Variants in SCML4 observed in about 807,000 individuals in gnomAD.
SCML4 encodes sex comb on midleg-like protein 4.
SCML4 carries 34 observed loss-of-function variants against 41.1 expected under a neutral mutation model. The ratio of observed to expected loss-of-function variants is 0.83; its 90% confidence interval spans 0.63 to 1.10. SCML4 has a LOEUF of 1.10. SCML4 is among the 50% of genes least tolerant of loss of function. The pLI is 0.00. For synonymous variants in SCML4, 214 were observed against 220.9 expected (o/e 0.97, Z 0.28); for missense variants, 522 against 534.1 (o/e 0.98, Z 0.22).
intron 1 of SCML4, among the ~76,000 whole-genome samples, chr6:107,789,523 C>T (rs960741071): frequency 6.6e-6 from 1 of 152,218 alleles, no homozygotes; most frequent in Non-Finnish European, 1.5e-5. Flanking sequence ...GCTTCTCCAT[C>T]GCAGTCTCCC....
chr6:107,734,427 G>A (rs1458134417), intron 5 of SCML4, among the ~76,000 whole-genome samples: 1 of 152,160 alleles, frequency 6.6e-6, no homozygotes, highest in East Asian at 1.9e-4. Context: ...TCATTCATTG[G>A]TTAATAGTTA....
upstream of SCML4, among the ~76,000 whole-genome samples, chr6:107,825,866 G>C (rs536758099): frequency 1.3e-5 from 2 of 150,522 alleles, no homozygotes; most frequent in Non-Finnish European, 2.9e-5. Flanking sequence ...GAACCCGGGA[G>C]GCGGAGCTCA....
intron 1 of SCML4, among the ~76,000 whole-genome samples, chr6:107,801,850 C>T (rs560245973): frequency 2.6e-5 from 4 of 152,138 alleles, no homozygotes; most frequent in East Asian, 3.9e-4. Context: ...CCACAACCTC[C>T]GCCTCCCAGG....
chr6:107,765,202 A>G (rs1779934849), intron 2 of SCML4, among the ~76,000 whole-genome samples: 1 of 152,180 alleles, frequency 6.6e-6, no homozygotes, highest in Non-Finnish European at 1.5e-5. Context: ...TGTCTTACAG[A>G]AACTGGTGAG....
intron 2 of SCML4, among the ~76,000 whole-genome samples, chr6:107,751,582 CT>C (rs1319520599): frequency 2.0e-5 from 2 of 101,286 alleles, no homozygotes; most frequent in Non-Finnish European, 4.0e-5. Flanking sequence ...ATCTTTCTTT[CT>C]TTCTTTCTTT....
At chr6:107,814,681 T>C (rs1784437014) in intron 1 of SCML4, among the ~76,000 whole-genome samples, 3 of 152,156 alleles carry the variant, frequency 2.0e-5, no homozygotes, top group South Asian at 4.1e-4. Flanking sequence ...GCCTCCCAAG[T>C]AGCTGGGATT....
rs1554223032 is a variant in SCML4 at position 107,804,248 on chromosome 6, C to CGTATGTGT, written c.-60+19877_-60+19878insACACATAC. ...GCTAATTTACATTTTAAACATGAAACGTGTGTGTGTGTGCACAACTTGTAC... is the reference window on the plus strand; with the variant it reads ...GCTAATTTACATTTTAAACATGAAACGTATGTGTGTGTGTGTGTGTGCACAACTTGTAC... On this transcript the variant is annotated intron_variant, in intron 1 of 7. Transcript: ENST00000369020. Among the ~76,000 whole-genome samples, 3 of 150,646 alleles carry CGTATGTGT rather than the reference C, an allele frequency of 2.0e-5. No individual in the cohort carries two copies. In the East Asian group the frequency reaches 5.9e-4, roughly 30 times the overall value.
the SCML4 span, among the ~76,000 whole-genome samples, chr6:107,840,436 A>G: frequency 6.6e-6 from 1 of 152,198 alleles, no homozygotes; most frequent in Admixed American, 6.5e-5. Flanking sequence ...TCCTGAGTAG[A>G]TTGTCCTTCT....
intron 2 of SCML4, among the ~76,000 whole-genome samples, chr6:107,750,265 G>A (rs912109029): frequency 1.8e-4 from 27 of 152,156 alleles, no homozygotes; most frequent in African/African-American, 6.3e-4. Context: ...GGGTCCTGCC[G>A]GAAAAGAGAG....
chr6:107,726,851 CT>C (rs1343049555), intron 5 of SCML4, among the ~76,000 whole-genome samples: 1 of 152,172 alleles, frequency 6.6e-6, no homozygotes, highest in Admixed American at 6.5e-5. Context: ...CTGGTACTTC[CT>C]CAAATGCTTA....
At chr6:107,802,672 T>TC (rs1562273116) in intron 1 of SCML4, among the ~76,000 whole-genome samples, 12 of 4,852 alleles carry the variant, frequency 2.5e-3, no homozygotes, top group Non-Finnish European at 0.01. Context: ...TCCCTCTCCC[T>TC]CCTCTCCCTC....
chr6:107,806,885 T>G (rs981858725), intron 1 of SCML4, among the ~76,000 whole-genome samples: 1 of 152,194 alleles, frequency 6.6e-6, no homozygotes, highest in African/African-American at 2.4e-5. Context: ...TGGGCAGAGC[T>G]TCAGGCCCCA....
chr6:107,710,504 A>C (rs1774121390), intron 6 of SCML4, among the ~76,000 whole-genome samples: 2 of 104,308 alleles, frequency 1.9e-5, no homozygotes. Flanking sequence ...GGCCAGACGC[A>C]GTGGCTCACA....
intron 6 of SCML4, among the ~76,000 whole-genome samples, chr6:107,712,453 G>A (rs187742297): frequency 6.6e-6 from 1 of 152,282 alleles, no homozygotes; most frequent in East Asian, 1.9e-4. Context: ...TAAGGAGGAG[G>A]CTCTCAGGAC....
intron 5 of SCML4, among the ~76,000 whole-genome samples, chr6:107,731,494 C>G (rs1226037791): frequency 2.6e-5 from 4 of 152,364 alleles, no homozygotes; most frequent in South Asian, 2.1e-4. Flanking sequence ...TCTCACCCCC[C>G]ACTTCCCGCA....
chr6:107,759,368 A>ATACATACATAC (rs61536006), intron 2 of SCML4, among the ~76,000 whole-genome samples: 19,044 of 148,998 alleles, frequency 0.13, 1,436 homozygotes, highest in African/African-American at 0.2. Context: ...TACATACATA[A>ATACATACATAC]GGCTGCTGTT....
intron 2 of SCML4, among the ~76,000 whole-genome samples, chr6:107,762,946 A>G (rs6924379): frequency 0.96 from 140,771 of 146,572 alleles, 67,897 homozygotes; most frequent in Non-Finnish European, 1. Flanking sequence ...GCAGTGACAC[A>G]ATCATGACTT....
chr6:107,705,927 G>A (rs973003283), intron 7 of SCML4, among the ~76,000 whole-genome samples: 1 of 152,160 alleles, frequency 6.6e-6, no homozygotes, highest in African/African-American at 2.4e-5. Flanking sequence ...TTTGGTCCCG[G>A]TGTTGCTGCC....
At chr6:107,720,486 C>A in intron 6 of SCML4, 1 of 1,307,536 alleles carries the variant, frequency 7.6e-7, no homozygotes. Flanking sequence ...ATCCTGTGGC[C>A]TAGCCTGCCC....
Sources: gnomAD v4.1 joint callset for allele counts (sites outside exome capture counted in the v4.1 genomes callset) on GRCh38, gnomAD v4.1.1 for gene constraint, MANE v1.5 for transcripts, NCBI Gene and HGNC (gene_info 2026-07-23, HGNC 2026-07-21) for gene names.